STX18: variants seen among roughly 807,000 people sequenced by gnomAD.
The protein encoded by STX18 is syntaxin-18.
STX18 carries 40 observed loss-of-function variants against 50.1 expected under a neutral mutation model. The ratio of observed to expected loss-of-function variants is 0.80; its 90% CI spans 0.62 to 1.04. The LOEUF (loss-of-function observed/expected upper bound fraction) is 1.04, where lower values mean the gene tolerates loss of function less well. Among genes scored for constraint, STX18 ranks in the 50% least tolerant of loss-of-function variants. STX18 has a pLI of 0.00. For synonymous variants in STX18, 158 were observed against 151.8 expected, an observed-to-expected ratio of 1.04 and a Z score of -0.30; for missense variants, 410 against 415.8, an observed-to-expected ratio of 0.99 and a Z score of 0.12.
intron 3 of STX18, 132 bp downstream of exon 3, chr4:4,459,240 G>C: frequency 1.5e-6 from 1 of 671,156 alleles, no homozygotes; most frequent in African/African-American, 1.8e-5. Context: ...GATCAAGAAA[G>C]AAAAGATTTT....
chr4:4,499,634 T>C (rs989417671), intron 1 of STX18: 3 of 606,026 alleles, frequency 5.0e-6, no homozygotes, highest in Non-Finnish European at 6.2e-6. Flanking sequence ...TCCAACTTAA[T>C]CATTAAACCT....
chr4:4,541,778 T>C lies in STX18; in HGVS notation c.168+19A>G, dbSNP rs1731610691. ...ACTGCCCCCTCCTCAACCCGCCGTT[T>C]CCATAGCAACCAGCTCACCACTTCG... On this transcript the variant is annotated intron_variant, in intron 1 of 10. Coordinates refer to ENST00000306200, the MANE Select transcript of STX18 (RefSeq NM_016930.4). The C allele has an allele frequency of 6.3e-7, 1 of 1,596,694 alleles. No homozygotes were observed. Among genetic ancestry groups the C allele is most frequent in the African/African-American group, 1.3e-5 (1 of 74,308 alleles).
intron 1 of STX18, among the ~76,000 whole-genome samples, chr4:4,517,193 T>TC (rs1730307688): frequency 6.6e-6 from 1 of 152,198 alleles, no homozygotes; most frequent in South Asian, 2.1e-4. Context: ...AGTACATTCT[T>TC]CCCCTGATTC....
In STX18 at chr4:4,423,697, G is replaced by GA. The variant is rs397752831; in HGVS notation, c.762-111_762-110insT. ...CTTCTACGTGAAGGTGGGAGAGACA[G>GA]GGGGCACACTGTGTCGGCTGGGGGA... On this transcript the variant is annotated intron_variant, in intron 8 of 10. Coordinates refer to ENST00000306200, the MANE Select transcript of STX18 (RefSeq NM_016930.4). 6.5e-5 allele frequency: 70 copies of GA among 1,082,508 alleles called. 1 individual carries two copies. Among genetic ancestry groups the GA allele is most frequent in the Middle Eastern group, 4.2e-4 (2 of 4,730 alleles). The allele number at this position is 1,082,508 out of a possible 1,614,324, so 67.1% of individuals were successfully genotyped here.
intron 1 of STX18, among the ~76,000 whole-genome samples, chr4:4,528,924 C>G (rs1730943835): frequency 6.6e-6 from 1 of 152,194 alleles, no homozygotes; most frequent in Admixed American, 6.5e-5. Context: ...ACTGGTATCC[C>G]AACAACAGAA....
At chr4:4,510,953 G>A (rs190400272) in intron 1 of STX18, among the ~76,000 whole-genome samples, 1 of 147,710 alleles carries the variant, frequency 6.8e-6, no homozygotes, top group African/African-American at 2.5e-5. Context: ...AATTGAACAA[G>A]GAGAACACAT....
At chr4:4,501,620 C>T (rs769702676) in intron 1 of STX18, among the ~76,000 whole-genome samples, 5 of 152,046 alleles carry the variant, frequency 3.3e-5, no homozygotes, top group African/African-American at 4.8e-5. Flanking sequence ...GTGGAGACAC[C>T]GAGTGTTTGG....
intron 1 of STX18, chr4:4,477,951 C>T (rs1052842382): frequency 6.6e-6 from 1 of 152,174 alleles, no homozygotes; most frequent in African/African-American, 2.4e-5. Context: ...GGTTTCCACC[C>T]CTCCATAACG....
intron 1 of STX18, among the ~76,000 whole-genome samples, chr4:4,513,864 T>G (rs1191488982): frequency 1.3e-5 from 2 of 152,230 alleles, no homozygotes. Flanking sequence ...AAAAGACTGA[T>G]GTTCCATCAC....
intron 9 of STX18, among the ~76,000 whole-genome samples, chr4:4,422,037 G>C (rs935939491): frequency 3.3e-5 from 5 of 152,116 alleles, no homozygotes; most frequent in African/African-American, 1.2e-4. Context: ...GAATGCTAGC[G>C]TGGGTTTTTA....
At chr4:4,476,030 G>A (rs1164867084) in intron 1 of STX18, 1 of 152,190 alleles carries the variant, frequency 6.6e-6, no homozygotes. Flanking sequence ...TCTTACTTGA[G>A]GTGTGTTCAG....
intron 1 of STX18, among the ~76,000 whole-genome samples, chr4:4,520,010 T>C (rs1387595314): frequency 6.6e-6 from 1 of 152,198 alleles, no homozygotes; most frequent in Non-Finnish European, 1.5e-5. Context: ...TACTTAAACC[T>C]GTTCATAATT....
At chr4:4,489,828 A>G (rs1413701123) in intron 1 of STX18, among the ~76,000 whole-genome samples, 2 of 152,240 alleles carry the variant, frequency 1.3e-5, no homozygotes, top group African/African-American at 4.8e-5. Context: ...GCAGTATATT[A>G]AAGATCTTGA....
chr4:4,529,519 A>G (rs1019618620), intron 1 of STX18, among the ~76,000 whole-genome samples: 5 of 151,888 alleles, frequency 3.3e-5, no homozygotes, highest in Admixed American at 2.6e-4. Context: ...ATGTGATAAC[A>G]TACTAAAGAG....
intron 1 of STX18, among the ~76,000 whole-genome samples, chr4:4,478,309 T>C (rs1023060037): frequency 1.3e-5 from 2 of 151,316 alleles, no homozygotes; most frequent in East Asian, 3.9e-4. Flanking sequence ...TTTTACGACA[T>C]GGGGGGCTTT....
intron 1 of STX18, among the ~76,000 whole-genome samples, chr4:4,491,923 T>C (rs565067212): frequency 2.6e-5 from 4 of 152,280 alleles, no homozygotes; most frequent in African/African-American, 9.6e-5. Flanking sequence ...GGTTTTGAAG[T>C]ATGTCACACT....
chr4:4,522,093 T>C (rs1327805872), intron 1 of STX18, among the ~76,000 whole-genome samples: 1 of 152,204 alleles, frequency 6.6e-6, no homozygotes, highest in Non-Finnish European at 1.5e-5. Context: ...TAGACATGGT[T>C]TTTATTTTCA....
intron 5 of STX18, among the ~76,000 whole-genome samples, chr4:4,456,047 GC>G (rs1727047941): frequency 2.0e-5 from 3 of 152,080 alleles, no homozygotes; most frequent in Non-Finnish European, 4.4e-5. Flanking sequence ...ACTTTGGGAG[GC>G]AGGGGGATTG....
intron 1 of STX18, among the ~76,000 whole-genome samples, chr4:4,512,024 C>A (rs373393845): frequency 6.6e-5 from 10 of 151,990 alleles, no homozygotes; most frequent in Middle Eastern, 3.4e-3. Flanking sequence ...CCAGTAGTAG[C>A]CCCCTAGCTG....
Sources: allele counts gnomAD v4.1 joint callset (sites outside exome capture counted in the v4.1 genomes callset), GRCh38; gene constraint gnomAD v4.1.1; transcripts MANE v1.5; gene names NCBI Gene and HGNC (gene_info 2026-07-23, HGNC 2026-07-21).